KPNA2: variants seen among roughly 807,000 people sequenced by gnomAD.
KPNA2 encodes the protein importin subunit alpha-1.
A neutral mutation model predicts 53.7 loss-of-function variants in KPNA2; 20 were observed. The ratio of observed to expected loss-of-function variants is 0.37; its 90% CI spans 0.26 to 0.54. KPNA2 has a LOEUF of 0.54. Among genes scored for constraint, KPNA2 ranks in the 20% least tolerant of loss-of-function variants. The probability of loss-of-function intolerance (pLI) is 0.83; values close to 1 mark genes in which losing one functional copy is unlikely to be tolerated. For synonymous variants in KPNA2, 238 were observed against 227.5 expected, an observed-to-expected ratio of 1.05 and a Z score of -0.42; for missense variants, 515 against 640.3, an observed-to-expected ratio of 0.80 and a Z score of 2.11.
intron 4 of KPNA2, among the ~76,000 whole-genome samples, chr17:68,041,343 C>G (rs1363607037): frequency 2.0e-5 from 3 of 152,324 alleles, no homozygotes; most frequent in Non-Finnish European, 4.4e-5. Context: ...GGGTCGGTTA[C>G]TTGAGCCCAG....
chr17:68,044,293 A>C, intron 8 of KPNA2, 28 bp from the exon 9 acceptor site: 1 of 1,589,582 alleles, frequency 6.3e-7, no homozygotes, highest in Non-Finnish European at 8.6e-7. Flanking sequence ...ACTGTTCTGA[A>C]ATAAAACCAT....
intron 3 of KPNA2, 126 bp downstream of exon 3, chr17:68,037,621 T>G: frequency 1.1e-6 from 1 of 924,326 alleles, no homozygotes; most frequent in Non-Finnish European, 1.7e-6. Flanking sequence ...GAACATCTTT[T>G]TCTCTGTTTG....
intron 5 of KPNA2, among the ~76,000 whole-genome samples, 167 bp from the exon 6 acceptor site, chr17:68,042,738 C>T (rs1010531871): frequency 1.1e-4 from 17 of 151,826 alleles, no homozygotes; most frequent in East Asian, 3.9e-4. Context: ...AAAAATTAGC[C>T]GGGCGTGGCG....
At position 68,040,744 on chromosome 17, in the gene KPNA2, C is replaced by A. The variant is rs781995950; in HGVS notation, c.280C>A (p.Leu94Ile). ...AAATAGCAGCAATGTGGAAAATCAG[C>A]TCCAAGCTACTCAAGCTGCCAGGTA... is the stretch of plus-strand genomic sequence containing the variant. ...GINSSNVENQ[L>I]QATQAARKLL... The change falls in exon 4 of 11, where the codon CTC becomes ATC. Residue 94 changes from leucine (L) to isoleucine (I), a missense_variant. Physicochemically the swap from Leu to Ile is conservative, Grantham distance 5 (BLOSUM62 2). Coordinates refer to ENST00000330459, the MANE Select transcript of KPNA2 (RefSeq NM_002266.4). 5 of 1,612,438 alleles carry A rather than the reference C, an allele frequency of 3.1e-6. No individual in the cohort carries two copies. In the African/African-American group the frequency reaches 6.7e-5, roughly 22 times the overall value.
At chr17:68,040,260 ATTTT>A (rs782418464) in intron 3 of KPNA2, among the ~76,000 whole-genome samples, 3 of 117,956 alleles carry the variant, frequency 2.5e-5, no homozygotes, top group African/African-American at 3.3e-5. Flanking sequence ...ATGCCTGGAT[ATTTT>A]TTTTTTTTTT....
intron 7 of KPNA2, 106 bp from the exon 8 acceptor site, chr17:68,043,732 G>A: frequency 1.4e-6 from 1 of 707,652 alleles, no homozygotes; most frequent in Non-Finnish European, 2.5e-6. Flanking sequence ...TTGAAATATT[G>A]CCTATTTCAG....
rs532248468 is a variant in KPNA2, at chr17:68,045,811, A to G, written c.1387A>G (p.Met463Val). ...AGGTGAAACTGAGAAACTTAGTATA[A>G]TGATTGAAGAATGTGGAGGCTTAGA... ...KLGETEKLSI[M>V]IEECGGLDKI... The change falls in exon 10 of 11, where the codon ATG (methionine) becomes GTG (valine). Residue 463 changes from methionine to valine, a missense_variant. Met to Val is a conservative substitution (Grantham distance 21). Transcript: ENST00000330459. The G allele has an allele frequency of 6.2e-6, 10 of 1,601,530 alleles. No homozygotes were observed. The East Asian group carries it at 1.8e-4, about 29-fold the overall frequency.
rs2071250646 is a variant in KPNA2 at position 68,040,776 on chromosome 17, G to C, written c.302+10G>C. ...CTACTCAAGCTGCCAGGTAAGTCTT[G>C]TCTGCGATAGCATGGGTAGCCTAAG... On this transcript the variant is annotated intron_variant, in intron 4 of 10. Coordinates refer to ENST00000330459, the MANE Select transcript of KPNA2 (RefSeq NM_002266.4). The C allele has an allele frequency of 2.6e-6, 4 of 1,562,954 alleles. No homozygotes were observed. The East Asian group carries it at 9.1e-5, about 36-fold the overall frequency.
At position 68,037,411 on chromosome 17, in the gene KPNA2, G is replaced by A. The variant is rs2071203564; in HGVS notation, c.129G>A (p.Lys43=). 6.2e-7 allele frequency: 1 copy of A among 1,613,926 alleles called. No homozygotes were observed. The highest frequency in any genetic ancestry group is 1.7e-5 in the Admixed American group (1 of 59,980). The change falls in exon 3 of 11, where the codon AAG becomes AAA. Residue 43 remains lysine, a synonymous_variant. Transcript: ENST00000330459. ...EVNVELRKAK[K]DDQMLKRRNV... ...ATGTGGAGCTGAGGAAAGCTAAGAA[G>A]GATGACCAGATGCTGAAGAGGAGAA...
chr17:68,043,095 C>T lies in KPNA2; in HGVS notation c.667-5C>T. 1 of 1,612,916 alleles carries T rather than the reference C, an allele frequency of 6.2e-7. No individual in the cohort carries two copies. Among genetic ancestry groups the T allele is most frequent in the East Asian group, 2.2e-5 (1 of 44,862 alleles). ...ACCTCTCATTGCCTATTTTTTTTCC[C>T]CCAGTGTGGCTACTTACGTAATCTT... On this transcript the variant is annotated splice_region_variant and splice_polypyrimidine_tract_variant and intron_variant, in intron 6 of 10. Transcript: ENST00000330459.
At chr17:68,039,179 G>C (rs2071224147) in intron 3 of KPNA2, among the ~76,000 whole-genome samples, 1 of 151,764 alleles carries the variant, frequency 6.6e-6, no homozygotes, top group Non-Finnish European at 1.5e-5. Flanking sequence ...GGAGTGCAGT[G>C]GTACGATCTT....
At chr17:68,045,185 C>G (rs782310602) in intron 9 of KPNA2, among the ~76,000 whole-genome samples, 1 of 150,772 alleles carries the variant, frequency 6.6e-6, no homozygotes, top group Non-Finnish European at 1.5e-5. Flanking sequence ...GCCAGTATTT[C>G]TTCTTCCCCT....
chr17:68,039,048 G>C (rs2071222437), intron 3 of KPNA2, among the ~76,000 whole-genome samples: 2 of 152,114 alleles, frequency 1.3e-5, no homozygotes, highest in African/African-American at 4.8e-5. Context: ...CTTCCATAAA[G>C]TAGACTTAAC....
rs556075688 is a variant in KPNA2 at position 68,035,785 on chromosome 17, A to G, written c.-79A>G. 1 of 152,656 alleles carries G rather than the reference A, an allele frequency of 6.6e-6. No individual in the cohort carries two copies. Among genetic ancestry groups the G allele is most frequent in the South Asian group, 2.1e-4 (1 of 4,832 alleles). The allele number at this position is 152,656 out of a possible 1,614,324, so 9.5% of individuals were successfully genotyped here. ...TGGACCCTTTGAACGCAGTCGCCCTACAGCCGCTGATTCCCCCCGCATCGC... is the reference window on the plus strand; with the variant it reads ...TGGACCCTTTGAACGCAGTCGCCCTGCAGCCGCTGATTCCCCCCGCATCGC... On this transcript the variant is annotated 5_prime_UTR_variant, in exon 1 of 11. Coordinates refer to ENST00000330459, the MANE Select transcript of KPNA2 (RefSeq NM_002266.4).
Position 68,043,903 on chromosome 17 carries a change from T to C in KPNA2, c.996T>C (p.Ile332=). The change falls in exon 8 of 11, where the codon ATT becomes ATC. Residue 332 remains isoleucine, a synonymous_variant. Transcript: ENST00000330459. ...CAGATGAACAGACTCAGGTTGTGAT[T>C]GATGCAGGAGCACTCGCCGTCTTTC... ...TGTDEQTQVV[I]DAGALAVFPS... is the part of the protein sequence containing the mutation. The C allele has an allele frequency of 1.9e-6, 3 of 1,613,850 alleles. No homozygotes were observed. The highest frequency in any genetic ancestry group is 2.5e-6 in the Non-Finnish European group (3 of 1,179,866).
intron 1 of KPNA2, among the ~76,000 whole-genome samples, chr17:68,036,717 A>G (rs1363178300): frequency 6.6e-6 from 1 of 152,246 alleles, no homozygotes; most frequent in Non-Finnish European, 1.5e-5. Flanking sequence ...GAGTATGGAA[A>G]AAGAATGTAG....
intron 9 of KPNA2, 53 bp from the exon 10 acceptor site, chr17:68,045,719 T>C: frequency 1.5e-6 from 2 of 1,347,238 alleles, no homozygotes; most frequent in East Asian, 2.3e-5. Flanking sequence ...GTTTTCTTCA[T>C]TAAAATAAAA....
Position 68,046,652 on chromosome 17 carries a change from T to C in KPNA2, c.*56T>C. The C allele has an allele frequency of 9.1e-7, 1 of 1,096,648 alleles. No individual in the cohort carries two copies. Among genetic ancestry groups the C allele is most frequent in the Non-Finnish European group, 1.4e-6 (1 of 722,548 alleles). 67.9% of individuals were successfully genotyped at this position (1,096,648 alleles called of 1,614,324 possible). A position where few individuals can be genotyped will look rare whatever the true frequency, so the allele number is the denominator to read the frequency against. On this transcript the variant is annotated 3_prime_UTR_variant, in exon 11 of 11. Coordinates refer to ENST00000330459, the MANE Select transcript of KPNA2 (RefSeq NM_002266.4). ...TACTACGTTTGGTATTTTGTCTTAT[T>C]GTTTCTCTACTAAGAACTCTTTCTT...
intron 3 of KPNA2, among the ~76,000 whole-genome samples, chr17:68,039,401 G>T (rs2071227565): frequency 6.6e-6 from 1 of 151,746 alleles, no homozygotes; most frequent in African/African-American, 2.4e-5. Context: ...GATTACAGGC[G>T]CGAGCCACTT....
Sources: allele counts gnomAD v4.1 joint callset (sites outside exome capture counted in the v4.1 genomes callset), GRCh38; gene constraint gnomAD v4.1.1; transcripts MANE v1.5; gene names NCBI Gene and HGNC (gene_info 2026-07-23, HGNC 2026-07-21).